SPATA17: variants seen among roughly 807,000 people sequenced by gnomAD.
The protein encoded by SPATA17 is spermatogenesis-associated protein 17.
A neutral mutation model predicts 62.2 loss-of-function variants in SPATA17; 53 were observed. That is an observed-to-expected ratio of 0.85 (90% CI 0.68 to 1.07). SPATA17 has a LOEUF of 1.07. Ranked by LOEUF, SPATA17 falls within the 50% of genes least tolerant of loss-of-function variation. SPATA17 has a pLI of 0.00. For synonymous variants in SPATA17, 146 were observed against 146.8 expected, an observed-to-expected ratio of 0.99 and a Z score of 0.04; for missense variants, 466 against 425.5, an observed-to-expected ratio of 1.10 and a Z score of -0.84.
intron 5 of SPATA17, among the ~76,000 whole-genome samples, chr1:217,702,424 T>A (rs1440997508): frequency 2.6e-5 from 4 of 152,212 alleles, no homozygotes; most frequent in Non-Finnish European, 5.9e-5. Flanking sequence ...ATCCAAATTC[T>A]TTCTTCTACT....
intron 6 of SPATA17, among the ~76,000 whole-genome samples, chr1:217,758,899 A>T (rs1002584005): frequency 3.3e-5 from 5 of 152,190 alleles, no homozygotes; most frequent in African/African-American, 1.2e-4. Flanking sequence ...TACACAGAGC[A>T]GTCTGGATGA....
At chr1:217,700,663 T>C (rs1460151367) in intron 5 of SPATA17, among the ~76,000 whole-genome samples, 1 of 152,078 alleles carries the variant, frequency 6.6e-6, no homozygotes, top group African/African-American at 2.4e-5. Flanking sequence ...CTCTGCTCAC[T>C]GCACCCTCCG....
At chr1:217,856,735 A>T (rs1340620250) in intron 9 of SPATA17, among the ~76,000 whole-genome samples, 1 of 152,244 alleles carries the variant, frequency 6.6e-6, no homozygotes, top group African/African-American at 2.4e-5. Flanking sequence ...GTGAACAGAA[A>T]AAAGGGGAGA....
intron 9 of SPATA17, among the ~76,000 whole-genome samples, chr1:217,830,764 C>T (rs994293354): frequency 2.0e-5 from 3 of 151,940 alleles, no homozygotes; most frequent in Admixed American, 2.0e-4. Context: ...GTGTTATTAA[C>T]TCTGAATTAA....
At chr1:217,702,810 C>G (rs11117912) in intron 5 of SPATA17, among the ~76,000 whole-genome samples, 7 of 151,760 alleles carry the variant, frequency 4.6e-5, no homozygotes, top group Admixed American at 1.3e-4. Flanking sequence ...TATGTTCTAT[C>G]GAATGATAGT....
intron 1 of SPATA17, among the ~76,000 whole-genome samples, chr1:217,637,876 T>C (rs1669976050): frequency 6.6e-6 from 1 of 152,164 alleles, no homozygotes; most frequent in South Asian, 2.1e-4. Flanking sequence ...TGTATTACTT[T>C]AGGCTTAAAT....
At position 217,868,570 on chromosome 1, in the gene SPATA17, A is replaced by G. The variant is rs575362098; in HGVS notation, c.*1551A>G. The G allele has an allele frequency of 5.3e-5, 8 of 151,720 alleles. No individual in the cohort carries two copies. In the East Asian group the frequency reaches 1.6e-3, roughly 30 times the overall value. The allele number at this position is 151,720 out of a possible 1,614,324, so 9.4% of individuals were successfully genotyped here. On this transcript the variant is annotated 3_prime_UTR_variant, in exon 11 of 11. Transcript: ENST00000366933. ...GAACAGCCCATGTAATTTATTGAAT[A>G]TTGTACTAAAAGTGAAAAACTGAAT...
intron 9 of SPATA17, among the ~76,000 whole-genome samples, chr1:217,845,870 T>C (rs999227389): frequency 6.6e-6 from 1 of 152,102 alleles, no homozygotes; most frequent in South Asian, 2.1e-4. Context: ...ACATTAGTAG[T>C]AGTTGTTTAC....
chr1:217,851,972 T>C (rs1675676923), intron 9 of SPATA17, among the ~76,000 whole-genome samples: 1 of 152,034 alleles, frequency 6.6e-6, no homozygotes, highest in Admixed American at 6.6e-5. Flanking sequence ...AATTAGAAAA[T>C]GAACAAGACA....
rs1038793377 is a variant in SPATA17 at position 217,869,482 on chromosome 1, G to C, written c.*2463G>C. 1.3e-5 allele frequency: 2 copies of C among 152,052 alleles called. No homozygotes were observed. Among genetic ancestry groups the C allele is most frequent in the African/African-American group, 4.8e-5 (2 of 41,384 alleles). 9.4% of individuals were successfully genotyped at this position (152,052 alleles called of 1,614,324 possible). On this transcript the variant is annotated 3_prime_UTR_variant, in exon 11 of 11. Transcript: ENST00000366933. The stretch of plus-strand genomic sequence containing the variant: ...GGATCAGTGAAAAGATGTGAAAAAA[G>C]GTTCTCTACAGAATGTAGATTTTCC...
chr1:217,684,152 A>G (rs1192495041), intron 5 of SPATA17, among the ~76,000 whole-genome samples: 4 of 152,178 alleles, frequency 2.6e-5, no homozygotes, highest in Admixed American at 2.6e-4. Flanking sequence ...GATTTAGGAT[A>G]TGGGATATGT....
intron 4 of SPATA17, among the ~76,000 whole-genome samples, chr1:217,680,951 G>T (rs1671067495): frequency 7.4e-6 from 1 of 134,520 alleles, no homozygotes; most frequent in Non-Finnish European, 1.6e-5. Context: ...AAAAAAGGCT[G>T]GGCACGGTGG....
Position 217,774,511 on chromosome 1 carries a change from C to A in SPATA17, c.697C>A (p.Pro233Thr). Residue 233 changes from proline to threonine, a missense_variant, in exon 7 of 11, where the codon CCA (proline) becomes ACA (threonine). By Grantham distance (38) the Pro-to-Thr change is conservative (BLOSUM62 -1). Coordinates refer to ENST00000366933, the MANE Select transcript of SPATA17 (RefSeq NM_138796.4). ...ARSFPRSEIL[P>T]PINRKQCQGP... ...TTCTTTTCCTCGGTCTGAAATTCTACCACCTATTAATAGAAAGCAATGTCA... is the reference window on the plus strand; with the variant it reads ...TTCTTTTCCTCGGTCTGAAATTCTAACACCTATTAATAGAAAGCAATGTCA... 4 of 1,613,858 alleles carry A rather than the reference C, an allele frequency of 2.5e-6. No individual in the cohort carries two copies. Among genetic ancestry groups the A allele is most frequent in the Non-Finnish European group, 3.4e-6 (4 of 1,179,862 alleles).
intron 1 of SPATA17, among the ~76,000 whole-genome samples, chr1:217,645,333 G>A (rs1414457888): frequency 6.6e-6 from 1 of 152,048 alleles, no homozygotes; most frequent in Middle Eastern, 3.2e-3. Context: ...CTTCTCTTCT[G>A]CATTTCTAAT....
chr1:217,711,429 A>T (rs1176438005), intron 5 of SPATA17, among the ~76,000 whole-genome samples: 3 of 152,332 alleles, frequency 2.0e-5, no homozygotes, highest in East Asian at 3.9e-4. Context: ...AAGATAAAAA[A>T]TATAAGACAT....
chr1:217,657,680 G>A (rs1270614809), intron 3 of SPATA17, among the ~76,000 whole-genome samples: 4 of 152,278 alleles, frequency 2.6e-5, no homozygotes, highest in East Asian at 1.9e-4. Context: ...AATGAATGGT[G>A]TAGAACAGTC....
intron 6 of SPATA17, among the ~76,000 whole-genome samples, chr1:217,765,720 G>A (rs1673283646): frequency 1.3e-5 from 2 of 151,962 alleles, no homozygotes; most frequent in Admixed American, 1.3e-4. Context: ...TTCTATATGA[G>A]TCTGAGAAGA....
intron 3 of SPATA17, among the ~76,000 whole-genome samples, chr1:217,659,807 A>G (rs1670527946): frequency 6.6e-6 from 1 of 152,164 alleles, no homozygotes; most frequent in East Asian, 1.9e-4. Flanking sequence ...CTTGTTCCCT[A>G]TCTCACCTTC....
chr1:217,643,961 C>T (rs1272112433), intron 1 of SPATA17, among the ~76,000 whole-genome samples: 1 of 152,096 alleles, frequency 6.6e-6, no homozygotes, highest in Non-Finnish European at 1.5e-5. Context: ...CTCCTGACCT[C>T]AGGTGATCTG....
Sources: gnomAD v4.1 joint callset for allele counts (sites outside exome capture counted in the v4.1 genomes callset) on GRCh38, gnomAD v4.1.1 for gene constraint, MANE v1.5 for transcripts, NCBI Gene and HGNC (gene_info 2026-07-23, HGNC 2026-07-21) for gene names.